The following THEMIS variants were observed in gnomAD, a reference collection of about 807,000 sequenced individuals.
THEMIS encodes thymocyte selection associated.
A neutral mutation model predicts 52.6 loss-of-function variants in THEMIS; 37 were observed. The ratio of observed to expected loss-of-function variants is 0.70; its 90% CI spans 0.54 to 0.93. THEMIS has a LOEUF of 0.93. Ranked by LOEUF, THEMIS falls within the 40% of genes least tolerant of loss-of-function variation. The pLI is 0.00. For missense variants in THEMIS, 808 were observed against 763.1 expected (o/e 1.06, Z -0.69); for synonymous variants, 292 against 272.7 (o/e 1.07, Z -0.70).
intron 1 of THEMIS, among the ~76,000 whole-genome samples, chr6:127,861,613 T>C (rs1344372908): frequency 2.6e-5 from 4 of 151,146 alleles, no homozygotes; most frequent in South Asian, 4.2e-4. Context: ...GTGAAACCTG[T>C]CTCTACTAAA....
intron 4 of THEMIS, among the ~76,000 whole-genome samples, chr6:127,783,205 G>A (rs1035076548): frequency 2.6e-5 from 4 of 152,080 alleles, no homozygotes; most frequent in Non-Finnish European, 5.9e-5. Flanking sequence ...ATTGAAACTG[G>A]ACCCATTCCT....
chr6:127,875,920 G>A (rs961096581), intron 1 of THEMIS, among the ~76,000 whole-genome samples: 1 of 152,204 alleles, frequency 6.6e-6, no homozygotes, highest in Non-Finnish European at 1.5e-5. Flanking sequence ...AATGAGGTCA[G>A]TCTGGATGTC....
At chr6:127,803,859 T>C (rs530233505) in intron 4 of THEMIS, among the ~76,000 whole-genome samples, 3 of 152,166 alleles carry the variant, frequency 2.0e-5, no homozygotes, top group Non-Finnish European at 4.4e-5. Flanking sequence ...CTTCCAGAGG[T>C]ATAGTTGAAA....
chr6:127,747,733 A>T (rs1775499854), intron 4 of THEMIS, among the ~76,000 whole-genome samples: 1 of 152,088 alleles, frequency 6.6e-6, no homozygotes, highest in Admixed American at 6.6e-5. Flanking sequence ...CATCAAAAGA[A>T]GATAGTGTTC....
At chr6:127,701,591 T>A in the THEMIS span, among the ~76,000 whole-genome samples, 1 of 152,152 alleles carries the variant, frequency 6.6e-6, no homozygotes, top group Non-Finnish European at 1.5e-5. Context: ...GGTAGGTGTA[T>A]GTTTAGCTTT....
At chr6:127,916,022 T>C (rs891923186) in intron 1 of THEMIS, among the ~76,000 whole-genome samples, 1 of 152,012 alleles carries the variant, frequency 6.6e-6, no homozygotes. Flanking sequence ...ATGAGCAAAT[T>C]TGTTTTTTCC....
At chr6:127,914,186 G>A (rs746875327) in intron 1 of THEMIS, among the ~76,000 whole-genome samples, 5 of 152,124 alleles carry the variant, frequency 3.3e-5, no homozygotes, top group Non-Finnish European at 7.4e-5. Flanking sequence ...GGCTAGACTT[G>A]TAATTTTCCA....
chr6:127,882,178 T>C (rs1049485179), intron 1 of THEMIS, among the ~76,000 whole-genome samples: 1 of 151,870 alleles, frequency 6.6e-6, no homozygotes, highest in Non-Finnish European at 1.5e-5. Context: ...GTAGAAACCA[T>C]ACTTCAAGTA....
At position 127,746,319 on chromosome 6, in the gene THEMIS, A is replaced by G. The variant is rs9491860; in HGVS notation, c.1759-26496T>C. Reference sequence around the variant, plus strand: ...TGCTAGAAGCCATACCCTAAAAATCAGGGATTCTATACTACTAAGGAGGAA... The same window carrying G: ...TGCTAGAAGCCATACCCTAAAAATCGGGGATTCTATACTACTAAGGAGGAA... On this transcript the variant is annotated intron_variant, in intron 4 of 5. Transcript: ENST00000368248. 1.5e-3 allele frequency among the ~76,000 whole-genome samples: 229 copies of G among 151,956 alleles called. 1 individual carries two copies. Among genetic ancestry groups the G allele is most frequent in the African/African-American group, 4.9e-3 (204 of 41,532 alleles).
At chr6:127,865,423 T>C (rs904232354) in intron 1 of THEMIS, among the ~76,000 whole-genome samples, 2 of 152,098 alleles carry the variant, frequency 1.3e-5, no homozygotes, top group Non-Finnish European at 2.9e-5. Context: ...GAGTTAACCC[T>C]TTACTAAATA....
chr6:127,752,331 C>T (rs1034372451), intron 4 of THEMIS, among the ~76,000 whole-genome samples: 1 of 133,072 alleles, frequency 7.5e-6, no homozygotes, highest in Non-Finnish European at 1.6e-5. Context: ...AAAATAGAGA[C>T]AAAAAAGTAG....
intron 5 of THEMIS, among the ~76,000 whole-genome samples, chr6:127,717,004 A>G (rs1774190648): frequency 6.6e-6 from 1 of 151,970 alleles, no homozygotes; most frequent in Non-Finnish European, 1.5e-5. Flanking sequence ...CAAAAAATGC[A>G]GACAGAAACT....
the THEMIS span, among the ~76,000 whole-genome samples, chr6:127,701,280 T>G: frequency 6.6e-6 from 1 of 152,134 alleles, no homozygotes; most frequent in African/African-American, 2.4e-5. Context: ...TGTCTAATTT[T>G]GATGATTCAT....
chr6:127,849,875 A>G (rs1308920122), intron 2 of THEMIS, among the ~76,000 whole-genome samples: 1 of 152,108 alleles, frequency 6.6e-6, no homozygotes, highest in Non-Finnish European at 1.5e-5. Flanking sequence ...AATGCCACAA[A>G]AATAAATAAA....
In THEMIS at chr6:127,750,878, C is replaced by G. The variant is rs113902839; in HGVS notation, c.1759-31055G>C. On this transcript the variant is annotated intron_variant, in intron 4 of 5. Coordinates refer to ENST00000368248, the MANE Select transcript of THEMIS (RefSeq NM_001010923.3). Reference sequence around the variant, plus strand: ...GCCAAGAATATTTCACCAGGAAAAGCTGCCCTTCAGGAAAAAAAAGAAATA... The same window carrying G: ...GCCAAGAATATTTCACCAGGAAAAGGTGCCCTTCAGGAAAAAAAAGAAATA... Among the ~76,000 whole-genome samples, 168 of 151,740 alleles carry G rather than the reference C, an allele frequency of 1.1e-3. 1 individual carries two copies. Among genetic ancestry groups the G allele is most frequent in the African/African-American group, 3.8e-3 (158 of 41,474 alleles).
chr6:127,910,915 G>A (rs1252839616), intron 1 of THEMIS, among the ~76,000 whole-genome samples: 2 of 152,040 alleles, frequency 1.3e-5, no homozygotes, highest in African/African-American at 2.4e-5. Flanking sequence ...AGGCTCCTGG[G>A]AGCTGTGGTA....
chr6:127,818,696 C>G (rs951221635), intron 3 of THEMIS, among the ~76,000 whole-genome samples: 1 of 151,126 alleles, frequency 6.6e-6, no homozygotes, highest in Non-Finnish European at 1.5e-5. Flanking sequence ...AATTACTAGA[C>G]CAGGAACTTA....
downstream of THEMIS, among the ~76,000 whole-genome samples, chr6:127,703,302 C>G (rs1482122268): frequency 4.6e-5 from 7 of 152,156 alleles, no homozygotes; most frequent in African/African-American, 1.7e-4. Flanking sequence ...CCGCCTTGGC[C>G]TCCCAAAGTG....
chr6:127,739,604 C>T (rs927939603), intron 4 of THEMIS, among the ~76,000 whole-genome samples: 4 of 152,140 alleles, frequency 2.6e-5, no homozygotes, highest in African/African-American at 9.7e-5. Flanking sequence ...AGCACCACTG[C>T]ACGCTAGCCT....
Sources: gnomAD v4.1 joint callset for allele counts (sites outside exome capture counted in the v4.1 genomes callset) on GRCh38, gnomAD v4.1.1 for gene constraint, MANE v1.5 for transcripts, NCBI Gene and HGNC (gene_info 2026-07-23, HGNC 2026-07-21) for gene names.